AHCTF1: variants seen among roughly 807,000 people sequenced by gnomAD.
AHCTF1 encodes protein ELYS.
In AHCTF1, 24 loss-of-function variants were observed where a neutral mutation model predicts 248.4. The observed-to-expected ratio is 0.10, with a 90% CI of 0.07 to 0.14. AHCTF1 has a LOEUF of 0.14. AHCTF1 is among the 10% of genes least tolerant of loss of function. The pLI is 1.00. For synonymous variants in AHCTF1, 786 were observed against 929.8 expected (o/e 0.85, Z 2.81); for missense variants, 2,206 against 2,636.2 (o/e 0.84, Z 3.57).
intron 1 of AHCTF1, among the ~76,000 whole-genome samples, chr1:246,926,977 A>G (rs572206700): frequency 6.6e-6 from 1 of 152,106 alleles, no homozygotes; most frequent in Non-Finnish European, 1.5e-5. Context: ...GATCGAGACC[A>G]TCCTGGCTAA....
chr1:246,930,259 C>A (rs992932377), intron 1 of AHCTF1, among the ~76,000 whole-genome samples: 1 of 152,184 alleles, frequency 6.6e-6, no homozygotes, highest in African/African-American at 2.4e-5. Flanking sequence ...AACGTTCCCC[C>A]CGCCTCAGCC....
chr1:246,846,950 C>T (rs1660313842), intron 33 of AHCTF1, among the ~76,000 whole-genome samples: 1 of 151,996 alleles, frequency 6.6e-6, no homozygotes, highest in Non-Finnish European at 1.5e-5. Flanking sequence ...GAGATGGGGT[C>T]CCACTAAGTT....
rs113949515 is a variant in AHCTF1 at position 246,869,661 on chromosome 1, T to C, written c.3089-1850A>G. The stretch of plus-strand genomic sequence containing the variant: ...AAAAGCCTAGATGAAAACACATCTG[T>C]TGACAGCATGGTTTACCGAATATTT... On this transcript the variant is annotated intron_variant, in intron 24 of 35. Transcript: ENST00000648844. Among the ~76,000 whole-genome samples the C allele has an allele frequency of 4.6e-3, 699 of 152,256 alleles. 2 individuals carry two copies. Among genetic ancestry groups the C allele is most frequent in the African/African-American group, 0.016 (650 of 41,532 alleles).
intron 2 of AHCTF1, among the ~76,000 whole-genome samples, 197 bp downstream of exon 2, chr1:246,918,052 AC>A (rs1331922573): frequency 6.6e-6 from 1 of 151,852 alleles, no homozygotes; most frequent in Non-Finnish European, 1.5e-5. Context: ...ATTAACTATA[AC>A]CCCCCCAATC....
At chr1:246,849,582 A>C (rs773891099) in intron 33 of AHCTF1, 33 bp downstream of exon 33, 1 of 1,562,260 alleles carries the variant, frequency 6.4e-7, no homozygotes, top group Non-Finnish European at 8.7e-7. Flanking sequence ...AGTGACTGAG[A>C]TGAAAAACTG....
At chr1:246,898,596 G>A (rs1225882408) in intron 11 of AHCTF1, among the ~76,000 whole-genome samples, 1 of 149,062 alleles carries the variant, frequency 6.7e-6, no homozygotes, top group African/African-American at 2.5e-5. Flanking sequence ...CTCTAAAGCT[G>A]ACAGATTTGG....
chr1:246,867,896 C>A lies in AHCTF1; in HGVS notation c.3089-85G>T, dbSNP rs945111117. On this transcript the variant is annotated intron_variant, in intron 24 of 35. Coordinates refer to ENST00000648844, the MANE Select transcript of AHCTF1 (RefSeq NM_001323342.2). Reference sequence around the variant, plus strand: ...GCATATGAAAGAATGATTACACCCCCCCCCCCACACACACACACACACACA... The same window carrying A: ...GCATATGAAAGAATGATTACACCCCACCCCCCACACACACACACACACACA... The A allele has an allele frequency of 4.4e-5, 25 of 563,304 alleles. No individual in the cohort carries two copies. In the Admixed American group the frequency reaches 6.9e-4, roughly 15 times the overall value. 34.9% of individuals were successfully genotyped at this position (563,304 alleles called of 1,614,324 possible). A position where few individuals can be genotyped will look rare whatever the true frequency, so the allele number is the denominator to read the frequency against.
chr1:246,861,818 C>G, intron 28 of AHCTF1, 141 bp downstream of exon 28: 4 of 761,024 alleles, frequency 5.3e-6, no homozygotes, highest in Non-Finnish European at 8.3e-6. Flanking sequence ...CTAACCTTTT[C>G]TTATTTCATT....
intron 24 of AHCTF1, among the ~76,000 whole-genome samples, chr1:246,869,093 C>T (rs546376796): frequency 2.6e-5 from 4 of 151,246 alleles, no homozygotes; most frequent in African/African-American, 9.8e-5. Flanking sequence ...ATCCGCCCGC[C>T]TTGGCCTCCC....
chr1:246,912,237 G>C (rs1206654243), intron 4 of AHCTF1, among the ~76,000 whole-genome samples: 1 of 152,022 alleles, frequency 6.6e-6, no homozygotes, highest in Non-Finnish European at 1.5e-5. Flanking sequence ...CAGCACTTGG[G>C]AGGCCAAGGC....
intron 3 of AHCTF1, 137 bp from the exon 4 acceptor site, chr1:246,913,549 G>T (rs1665949767): frequency 1.3e-6 from 1 of 748,896 alleles, no homozygotes; most frequent in East Asian, 2.9e-5. Flanking sequence ...TGATACTTGT[G>T]ATCTGAATAA....
chr1:246,891,197 G>A (rs1664187191), intron 15 of AHCTF1, 137 bp from the exon 16 acceptor site: 1 of 526,810 alleles, frequency 1.9e-6, no homozygotes, highest in Non-Finnish European at 3.3e-6. Flanking sequence ...CAAGATATAT[G>A]TATCTCTCTT....
Position 246,851,160 on chromosome 1 carries a change from T to C in AHCTF1, c.4846A>G (p.Lys1616Glu), listed in dbSNP as rs749835821. The C allele has an allele frequency of 1.4e-5, 23 of 1,613,804 alleles. No individual in the cohort carries two copies. The Admixed American group carries it at 3.8e-4, about 27-fold the overall frequency. ...TCTTCAGTTGCTGTGTTAGCTGCTT[T>C]AGGTAACACATCAGATGATGCAAAA... is the stretch of plus-strand genomic sequence containing the variant. ...GDFASSDVLPKAANTATEEKL... is the reference protein window; with the variant it reads ...GDFASSDVLPEAANTATEEKL... Residue 1616 changes from lysine (K) to glutamate (E), a missense_variant, in exon 33 of 36, where the codon AAA (lysine) becomes GAA (glutamate). Coordinates refer to ENST00000648844, the MANE Select transcript of AHCTF1 (RefSeq NM_001323342.2).
At chr1:246,849,034 A>G (rs1660498406) in intron 33 of AHCTF1, among the ~76,000 whole-genome samples, 1 of 152,174 alleles carries the variant, frequency 6.6e-6, no homozygotes. Flanking sequence ...CTTAATGCAT[A>G]TATGTGCTCC....
At chr1:246,870,366 T>C (rs913692678) in intron 24 of AHCTF1, among the ~76,000 whole-genome samples, 2 of 152,094 alleles carry the variant, frequency 1.3e-5, no homozygotes, top group Admixed American at 6.5e-5. Flanking sequence ...AAGGCTACAA[T>C]GAGCTATGAT....
chr1:246,852,477 T>C (rs946875509), intron 32 of AHCTF1, among the ~76,000 whole-genome samples: 5 of 152,166 alleles, frequency 3.3e-5, no homozygotes, highest in Admixed American at 2.6e-4. Context: ...AGATTTGGTA[T>C]AATAGAATTT....
At position 246,839,591 on chromosome 1, in the gene AHCTF1, C is replaced by T; in HGVS notation, c.*1215G>A. On this transcript the variant is annotated 3_prime_UTR_variant, in exon 36 of 36. Transcript: ENST00000648844. ...TGTCAACACTTTGCGTAGGCATTTT[C>T]ACCAATTTCTCATTATCTGTATTAT... 1.0e-6 allele frequency: 1 copy of T among 985,496 alleles called. No homozygotes were observed. The highest frequency in any genetic ancestry group is 1.2e-6 in the Non-Finnish European group (1 of 829,594). The allele number at this position is 985,496 out of a possible 1,614,324, so 61.0% of individuals were successfully genotyped here.
At chr1:246,878,753 A>C (rs1572406286) in intron 21 of AHCTF1, among the ~76,000 whole-genome samples, 2 of 152,188 alleles carry the variant, frequency 1.3e-5, no homozygotes, top group Non-Finnish European at 2.9e-5. Context: ...CTGTTGGCAG[A>C]TCAGGGCCAT....
rs1173764324 is a variant in AHCTF1, at chr1:246,861,302, A to G, written c.3736-7T>C. 5.6e-6 allele frequency: 9 copies of G among 1,593,494 alleles called. No individual in the cohort carries two copies. The highest frequency in any genetic ancestry group is 7.7e-6 in the Non-Finnish European group (9 of 1,167,990). ...ATTTGCTATCATCTGCAGCCTGTAA[A>G]GTAAGATTTTGAAAAGAAAAAAATT... On this transcript the variant is annotated splice_polypyrimidine_tract_variant and splice_region_variant and intron_variant, in intron 28 of 35. Transcript: ENST00000648844.
Sources: allele counts gnomAD v4.1 joint callset (sites outside exome capture counted in the v4.1 genomes callset), GRCh38; gene constraint gnomAD v4.1.1; transcripts MANE v1.5; gene names NCBI Gene and HGNC (gene_info 2026-07-23, HGNC 2026-07-21).